Variants in ADAM10 observed in about 807,000 individuals in gnomAD.
ADAM10 encodes the protein disintegrin and metalloproteinase domain-containing protein 10.
A neutral mutation model predicts 90.1 loss-of-function variants in ADAM10; 17 were observed. The observed-to-expected ratio is 0.19, with a 90% confidence interval of 0.13 to 0.28. ADAM10 has a LOEUF of 0.28. ADAM10 is among the 10% of genes least tolerant of loss of function. ADAM10 has a pLI of 1.00. For missense variants in ADAM10, 610 were observed against 914.3 expected (o/e 0.67, Z 4.29); for synonymous variants, 310 against 298.6 (o/e 1.04, Z -0.40).
chr15:58,742,927 C>T (rs1899662065), intron 1 of ADAM10, among the ~76,000 whole-genome samples: 1 of 152,104 alleles, frequency 6.6e-6, no homozygotes, highest in Non-Finnish European at 1.5e-5. Context: ...GGCATGGTGG[C>T]GTGTGCCTGT....
intron 1 of ADAM10, among the ~76,000 whole-genome samples, chr15:58,722,939 C>T (rs1465261724): frequency 6.6e-6 from 1 of 151,882 alleles, no homozygotes; most frequent in Non-Finnish European, 1.5e-5. Context: ...ACTGTGTTGA[C>T]CAGGCTGGTC....
At chr15:58,647,255 T>TTTTTTG (rs1566979066) in intron 5 of ADAM10, among the ~76,000 whole-genome samples, 8 of 91,100 alleles carry the variant, frequency 8.8e-5, no homozygotes, top group African/African-American at 3.2e-4. Context: ...AGTATTTTTT[T>TTTTTTG]TTTTTTTTTT....
chr15:58,692,593 T>C lies in ADAM10; in HGVS notation c.207-10279A>G, dbSNP rs1465616984. 5.4e-6 allele frequency: 3 copies of C among 556,098 alleles called. No homozygotes were observed. The Admixed American group carries it at 5.8e-5, about 11-fold the overall frequency. 34.4% of individuals were successfully genotyped at this position (556,098 alleles called of 1,614,324 possible). A position where few individuals can be genotyped will look rare whatever the true frequency, so the allele number is the denominator to read the frequency against. ...ACAGCCTATGAACTGAGGGTGCTTC[T>C]TCACTACTTCTTTGACCCACCTCTC... On this transcript the variant is annotated intron_variant, in intron 2 of 15. Coordinates refer to ENST00000260408, the MANE Select transcript of ADAM10 (RefSeq NM_001110.4).
intron 2 of ADAM10, among the ~76,000 whole-genome samples, chr15:58,701,452 T>C (rs1898133032): frequency 1.3e-5 from 2 of 152,206 alleles, no homozygotes; most frequent in African/African-American, 4.8e-5. Context: ...CTTACCGCAG[T>C]TAGAATGGCT....
At chr15:58,608,818 A>C (rs183657976) in intron 14 of ADAM10, among the ~76,000 whole-genome samples, 72 of 152,328 alleles carry the variant, frequency 4.7e-4, no homozygotes, top group African/African-American at 1.6e-3. Context: ...ATGAGTGAAA[A>C]TTAGAGATAA....
At chr15:58,683,696 C>T (rs906886666) in intron 2 of ADAM10, among the ~76,000 whole-genome samples, 1 of 151,762 alleles carries the variant, frequency 6.6e-6, no homozygotes, top group Non-Finnish European at 1.5e-5. Context: ...ACCGTCTCTA[C>T]TAAAAATACA....
chr15:58,645,181 C>T (rs567253696), intron 6 of ADAM10, among the ~76,000 whole-genome samples: 4 of 152,332 alleles, frequency 2.6e-5, no homozygotes, highest in South Asian at 2.1e-4. Flanking sequence ...AGGTAGCCCA[C>T]GCTGCCAAAC....
At chr15:58,722,720 T>C (rs371083150) in intron 1 of ADAM10, among the ~76,000 whole-genome samples, 61 of 146,886 alleles carry the variant, frequency 4.2e-4, no homozygotes, top group African/African-American at 1.4e-3. Flanking sequence ...GCTACAAATT[T>C]GAGAACTTTT....
intron 10 of ADAM10, among the ~76,000 whole-genome samples, chr15:58,623,632 C>A (rs1040191931): frequency 6.6e-6 from 1 of 152,030 alleles, no homozygotes; most frequent in South Asian, 2.1e-4. Flanking sequence ...ACTACACAGC[C>A]ATAAAAAGGA....
rs1322120603 is a variant in ADAM10 at position 58,594,420 on chromosome 15, G to A, written c.*3127C>T. 2 of 152,146 alleles carry A rather than the reference G, an allele frequency of 1.3e-5. No individual in the cohort carries two copies. The highest frequency in any genetic ancestry group is 2.4e-5 in the African/African-American group (1 of 41,418). 9.4% of individuals were successfully genotyped at this position (152,146 alleles called of 1,614,324 possible). On this transcript the variant is annotated 3_prime_UTR_variant, in exon 16 of 16. Coordinates refer to ENST00000260408, the MANE Select transcript of ADAM10 (RefSeq NM_001110.4). The stretch of plus-strand genomic sequence containing the variant: ...GGGACAAATACAAGGACTGAGGGTC[G>A]AGTAGTTTGCTCCGCTTGGACAAAT...
intron 14 of ADAM10, 90 bp from the exon 15 acceptor site, chr15:58,599,814 C>T (rs1334739550): frequency 1.5e-5 from 20 of 1,298,742 alleles, no homozygotes; most frequent in Middle Eastern, 1.9e-4. Flanking sequence ...TAGAATAGAA[C>T]ACAGTATATT....
intron 8 of ADAM10, among the ~76,000 whole-genome samples, chr15:58,639,728 G>A (rs1295551345): frequency 2.0e-5 from 3 of 151,970 alleles, no homozygotes; most frequent in African/African-American, 7.2e-5. Context: ...TATGGAAATT[G>A]TAAAAGTATT....
At chr15:58,681,481 T>C (rs541412730) in intron 3 of ADAM10, among the ~76,000 whole-genome samples, 11 of 152,336 alleles carry the variant, frequency 7.2e-5, no homozygotes, top group Admixed American at 1.3e-4. Context: ...AGAAATAATC[T>C]CAAACAGTTT....
chr15:58,607,390 G>A (rs1895307773), intron 14 of ADAM10, among the ~76,000 whole-genome samples: 1 of 152,126 alleles, frequency 6.6e-6, no homozygotes, highest in African/African-American at 2.4e-5. Flanking sequence ...AAGTTTCTAG[G>A]GTTAGGTAAG....
At chr15:58,720,693 GC>G (rs1489666057) in intron 1 of ADAM10, among the ~76,000 whole-genome samples, 1 of 152,070 alleles carries the variant, frequency 6.6e-6, no homozygotes, top group Non-Finnish European at 1.5e-5. Flanking sequence ...GAGCCACCAC[GC>G]CCGGCCTAGC....
At chr15:58,728,352 T>C (rs928378386) in intron 1 of ADAM10, among the ~76,000 whole-genome samples, 2 of 152,198 alleles carry the variant, frequency 1.3e-5, no homozygotes, top group African/African-American at 2.4e-5. Flanking sequence ...CAAGTAAATA[T>C]ACTTCTCAAA....
intron 1 of ADAM10, among the ~76,000 whole-genome samples, chr15:58,720,866 T>C (rs1898829638): frequency 6.6e-6 from 1 of 152,232 alleles, no homozygotes; most frequent in Non-Finnish European, 1.5e-5. Flanking sequence ...TTCTTTCATT[T>C]TGAAAATTTC....
At chr15:58,679,582 G>A (rs188103779) in intron 3 of ADAM10, among the ~76,000 whole-genome samples, 95 of 152,230 alleles carry the variant, frequency 6.2e-4, no homozygotes, top group Non-Finnish European at 1.1e-3. Context: ...CTAGCTGAGT[G>A]CCTAGCATGT....
rs141907070 is a variant in ADAM10 at position 58,739,977 on chromosome 15, T to C, written c.55+9503A>G. On this transcript the variant is annotated intron_variant, in intron 1 of 15. Transcript: ENST00000260408. ...ACAATTCTGTAGTCTTAATAACACA[T>C]ATTATAAAATCCTAATGTGAGTGAG... Among the ~76,000 whole-genome samples, 223 of 152,320 alleles carry C rather than the reference T, an allele frequency of 1.5e-3. 1 individual carries two copies. The highest frequency in any genetic ancestry group is 5.0e-3 in the African/African-American group (206 of 41,560).
Sources: allele counts gnomAD v4.1 joint callset (sites outside exome capture counted in the v4.1 genomes callset), GRCh38; gene constraint gnomAD v4.1.1; transcripts MANE v1.5; gene names NCBI Gene and HGNC (gene_info 2026-07-23, HGNC 2026-07-21).